SSTR2: variants seen among roughly 807,000 people sequenced by gnomAD.
SSTR2 encodes the protein somatostatin receptor type 2.
SSTR2 carries 10 observed loss-of-function variants against 21.4 expected under a neutral mutation model. That is an observed-to-expected ratio of 0.47 (90% CI 0.29 to 0.79). The LOEUF (loss-of-function observed/expected upper bound fraction) is 0.79, where lower values mean the gene tolerates loss of function less well. Ranked by LOEUF, SSTR2 falls within the 30% of genes least tolerant of loss-of-function variation. The pLI is 0.10. For missense variants in SSTR2, 364 were observed against 468.8 expected (o/e 0.78, Z 2.06); for synonymous variants, 177 against 181.3 (o/e 0.98, Z 0.19).
chr17:73,171,923 A>G lies in SSTR2; in HGVS notation c.*1494A>G, dbSNP rs1017499955. 2.4e-5 allele frequency: 1 copy of G among 42,384 alleles called. No homozygotes were observed. The highest frequency in any genetic ancestry group is 5.5e-4 in the East Asian group (1 of 1,830). 2.6% of individuals were successfully genotyped at this position (42,384 alleles called of 1,614,324 possible). A position where few individuals can be genotyped will look rare whatever the true frequency, so the allele number is the denominator to read the frequency against. On this transcript the variant is annotated 3_prime_UTR_variant, in exon 2 of 2. Coordinates refer to ENST00000357585, the MANE Select transcript of SSTR2 (RefSeq NM_001050.3). ...GCAACAAGAGCAAAACTCAGTCTCA[A>G]AAAAAAAAAAAAAAAAAAAAAAAAA...
intron 1 of SSTR2, among the ~76,000 whole-genome samples, chr17:73,167,712 A>T (rs1484513097): frequency 6.6e-6 from 1 of 152,170 alleles, no homozygotes; most frequent in Non-Finnish European, 1.5e-5. Context: ...TCCTTCATTT[A>T]TCTCTCGTGC....
At position 73,169,502 on chromosome 17, in the gene SSTR2, C is replaced by T; in HGVS notation, c.183C>T (p.Asn61=). Residue 61 remains asparagine (N), a synonymous_variant, in exon 2 of 2, where the codon AAC becomes AAT. Transcript: ENST00000357585. The surrounding 1 kb of genome is among the most constrained non-coding windows in gnomAD (Gnocchi z 5.2). The part of the protein sequence containing the change: ...FVVCIIGLCG[N]TLVIYVILRY... ...TCTGCATCATTGGGTTGTGTGGCAA[C>T]ACACTTGTCATTTATGTCATCCTCC... 1 of 1,614,266 alleles carries T rather than the reference C, an allele frequency of 6.2e-7. No homozygotes were observed. The highest frequency in any genetic ancestry group is 1.1e-5 in the South Asian group (1 of 91,086).
rs1313706209 is a variant in SSTR2, at chr17:73,174,885, A to C, written c.*4456A>C. 2.6e-5 allele frequency: 4 copies of C among 153,144 alleles called. No individual in the cohort carries two copies. The Admixed American group carries it at 2.6e-4, about 10-fold the overall frequency. 9.5% of individuals were successfully genotyped at this position (153,144 alleles called of 1,614,324 possible). ...CTTTAATTTTGTAATTCTTTACTGT[A>C]GAACAGCTCAAAATATCAGTTCTGT... On this transcript the variant is annotated 3_prime_UTR_variant, in exon 2 of 2. Transcript: ENST00000357585.
At chr17:73,166,780 C>G (rs563598444) in intron 1 of SSTR2, among the ~76,000 whole-genome samples, 2 of 152,274 alleles carry the variant, frequency 1.3e-5, no homozygotes, top group African/African-American at 4.8e-5. Context: ...TCTCAGCCGG[C>G]TCCCCAGCCT....
At position 73,169,025 on chromosome 17, in the gene SSTR2, C is replaced by T. The variant is rs1386326305; in HGVS notation, c.-92-203C>T. Among the ~76,000 whole-genome samples, 2 of 152,186 alleles carry T rather than the reference C, an allele frequency of 1.3e-5. No homozygotes were observed. Among genetic ancestry groups the T allele is most frequent in the Non-Finnish European group, 2.9e-5 (2 of 68,044 alleles). ...TGTGCGTCAGCAGATGATGGCTGAA[C>T]CCAAACCCTTCCCTACTATTGGAAA... On this transcript the variant is annotated intron_variant, in intron 1 of 1. Coordinates refer to ENST00000357585, the MANE Select transcript of SSTR2 (RefSeq NM_001050.3). This position sits in a 1 kb window ranked among gnomAD's most constrained non-coding sequence, Gnocchi z 5.2.
Position 73,171,319 on chromosome 17 carries a change from G to A in SSTR2, c.*890G>A, listed in dbSNP as rs977295230. ...TATTTATCAAGACAAAGCCAACTTT[G>A]TTATAAGATTGCATTTTTTTCTTTT... On this transcript the variant is annotated 3_prime_UTR_variant, in exon 2 of 2. Transcript: ENST00000357585. 1.2e-5 allele frequency: 2 copies of A among 166,368 alleles called. No homozygotes were observed. Among genetic ancestry groups the A allele is most frequent in the Non-Finnish European group, 2.9e-5 (2 of 68,108 alleles). 10.3% of individuals were successfully genotyped at this position (166,368 alleles called of 1,614,324 possible).
rs1162660182 is a variant in SSTR2 at position 73,174,130 on chromosome 17, A to C, written c.*3701A>C. The C allele has an allele frequency of 6.8e-6, 1 of 147,692 alleles. No homozygotes were observed. The highest frequency in any genetic ancestry group is 2.0e-4 in the East Asian group (1 of 5,094). The allele number at this position is 147,692 out of a possible 1,614,324, so 9.1% of individuals were successfully genotyped here. A position where few individuals can be genotyped will look rare whatever the true frequency, so the allele number is the denominator to read the frequency against. On this transcript the variant is annotated 3_prime_UTR_variant, in exon 2 of 2. Transcript: ENST00000357585. ...GGTGACAGCACAAGACTCCATCTCA[A>C]AAAAAAAAAAAAAAGGAAGAAGAAA... is the stretch of plus-strand genomic sequence containing the variant.
chr17:73,170,386 C>T lies in SSTR2; in HGVS notation c.1067C>T (p.Thr356Ile). The change falls in exon 2 of 2, where the codon ACC (threonine) becomes ATC (isoleucine). Residue 356 changes from threonine to isoleucine, a missense_variant. Thr to Ile is a moderately conservative substitution (Grantham distance 89). Coordinates refer to ENST00000357585, the MANE Select transcript of SSTR2 (RefSeq NM_001050.3). ...DKSRLNETTE[T>I]QRTLLNGDLQ... is the part of the protein sequence containing the mutation. ...TCCCGGCTGAATGAGACCACGGAGACCCAGAGGACCCTCCTCAATGGAGAC... is the reference window on the plus strand; with the variant it reads ...TCCCGGCTGAATGAGACCACGGAGATCCAGAGGACCCTCCTCAATGGAGAC... The T allele has an allele frequency of 6.2e-7, 1 of 1,613,924 alleles. No individual in the cohort carries two copies.
rs977623695 is a variant in SSTR2, at chr17:73,169,824, G to C, written c.505G>C (p.Val169Leu). The C allele has an allele frequency of 3.1e-6, 5 of 1,614,078 alleles. No individual in the cohort carries two copies. The highest frequency in any genetic ancestry group is 4.2e-6 in the Non-Finnish European group (5 of 1,180,046). The change falls in exon 2 of 2, where the codon GTC becomes CTC. Residue 169 changes from valine to leucine, a missense_variant. Around this residue, in one of 4 missense-constraint regions of SSTR2, gnomAD observed 193 missense variants for 273.1 expected, o/e 0.71. Transcript: ENST00000357585. This position sits in a 1 kb window ranked among gnomAD's most constrained non-coding sequence, Gnocchi z 5.2. Reference sequence around the variant, plus strand: ...GATGATCACCATGGCTGTGTGGGGAGTCTCTCTGCTGGTCATCTTGCCCAT... The same window carrying C: ...GATGATCACCATGGCTGTGTGGGGACTCTCTCTGCTGGTCATCTTGCCCAT... ...AKMITMAVWG[V>L]SLLVILPIMI...
chr17:73,166,803 A>G (rs1189856612), intron 1 of SSTR2, among the ~76,000 whole-genome samples: 1 of 151,888 alleles, frequency 6.6e-6, no homozygotes, highest in East Asian at 1.9e-4. Context: ...CACCTCCACC[A>G]CCTTCACCAA....
chr17:73,166,559 C>T (rs1353926659), intron 1 of SSTR2, among the ~76,000 whole-genome samples: 2 of 152,116 alleles, frequency 1.3e-5, no homozygotes, highest in African/African-American at 4.8e-5. Context: ...AATTCTTGGG[C>T]TGGAAAAACA....
Position 73,170,437 on chromosome 17 carries a change from G to C in SSTR2, c.*8G>C. The C allele has an allele frequency of 1.9e-6, 3 of 1,608,090 alleles. No homozygotes were observed. Among genetic ancestry groups the C allele is most frequent in the Non-Finnish European group, 2.6e-6 (3 of 1,176,460 alleles). On this transcript the variant is annotated 3_prime_UTR_variant, in exon 2 of 2. Transcript: ENST00000357585. ...CTCCAAACCAGTATCTGAACTGCTTGGGGGGTGGGAAAGAACCAAGCCATG... is the reference window on the plus strand; with the variant it reads ...CTCCAAACCAGTATCTGAACTGCTTCGGGGGTGGGAAAGAACCAAGCCATG...
chr17:73,168,651 C>T (rs1191797717), intron 1 of SSTR2, among the ~76,000 whole-genome samples: 2 of 152,170 alleles, frequency 1.3e-5, no homozygotes, highest in African/African-American at 4.8e-5. Flanking sequence ...TAGGCATTTT[C>T]ACATATATTC....
Position 73,170,621 on chromosome 17 carries a change from T to C in SSTR2, c.*192T>C. On this transcript the variant is annotated 3_prime_UTR_variant, in exon 2 of 2. Coordinates refer to ENST00000357585, the MANE Select transcript of SSTR2 (RefSeq NM_001050.3). ...TTGAATGATAATGTGCTAAATTGATTACCTCCCCCTTAAAGCGAACACTGA... is the reference window on the plus strand; with the variant it reads ...TTGAATGATAATGTGCTAAATTGATCACCTCCCCCTTAAAGCGAACACTGA... The C allele has an allele frequency of 1.3e-6, 1 of 766,030 alleles. No homozygotes were observed. The highest frequency in any genetic ancestry group is 2.3e-6 in the Non-Finnish European group (1 of 433,408). The allele number at this position is 766,030 out of a possible 1,614,324, so 47.5% of individuals were successfully genotyped here.
chr17:73,169,790 G>T lies in SSTR2; in HGVS notation c.471G>T (p.Arg157=), dbSNP rs1381929921. 1 of 1,614,210 alleles carries T rather than the reference G, an allele frequency of 6.2e-7. No homozygotes were observed. Among genetic ancestry groups the T allele is most frequent in the Middle Eastern group, 1.6e-4 (1 of 6,062 alleles). ...PIKSAKWRRP[R]TAKMITMAVW... is the part of the protein sequence containing the mutation. ...AGTCGGCCAAGTGGAGGAGACCCCG[G>T]ACGGCCAAGATGATCACCATGGCTG... is the stretch of plus-strand genomic sequence containing the variant. The change falls in exon 2 of 2, where the codon CGG becomes CGT. Residue 157 remains arginine (R), a synonymous_variant. Transcript: ENST00000357585. The surrounding 1 kb of genome is among the most constrained non-coding windows in gnomAD (Gnocchi z 5.2).
rs752616749 is a variant in SSTR2, at chr17:73,169,745, G to A, written c.426G>A (p.Leu142=). ...CAGTCATGAGCATCGACCGATACCT[G>A]GCTGTGGTCCACCCCATCAAGTCGG... ...CLTVMSIDRY[L]AVVHPIKSAK... Residue 142 remains leucine, a synonymous_variant, in exon 2 of 2, where the codon CTG becomes CTA. Coordinates refer to ENST00000357585, the MANE Select transcript of SSTR2 (RefSeq NM_001050.3). This position sits in a 1 kb window ranked among gnomAD's most constrained non-coding sequence, Gnocchi z 5.2. 3.1e-6 allele frequency: 5 copies of A among 1,614,200 alleles called. No homozygotes were observed. The South Asian group carries it at 4.4e-5, about 14-fold the overall frequency.
chr17:73,172,436 T>C lies in SSTR2; in HGVS notation c.*2007T>C, dbSNP rs2061238452. 6.6e-6 allele frequency: 1 copy of C among 152,230 alleles called. No homozygotes were observed. The highest frequency in any genetic ancestry group is 2.4e-5 in the African/African-American group (1 of 41,454). The allele number at this position is 152,230 out of a possible 1,614,324, so 9.4% of individuals were successfully genotyped here. On this transcript the variant is annotated 3_prime_UTR_variant, in exon 2 of 2. Transcript: ENST00000357585. ...ATCCGGCTCCCTAAGCAAGCGCTGT[T>C]GGCCGGTGGGAGTGACTAAGTGCTC...
chr17:73,169,490 G>C lies in SSTR2; in HGVS notation c.171G>C (p.Gly57=), dbSNP rs777049966. Residue 57 remains glycine, a synonymous_variant, in exon 2 of 2, where the codon GGG becomes GGC. Coordinates refer to ENST00000357585, the MANE Select transcript of SSTR2 (RefSeq NM_001050.3). The surrounding 1 kb of genome is among the most constrained non-coding windows in gnomAD (Gnocchi z 5.2). Reference sequence around the variant, plus strand: ...TCTATTTTGTGGTCTGCATCATTGGGTTGTGTGGCAACACACTTGTCATTT... The same window carrying C: ...TCTATTTTGTGGTCTGCATCATTGGCTTGTGTGGCAACACACTTGTCATTT... The part of the protein sequence containing the change: ...TFIYFVVCII[G]LCGNTLVIYV... 6.2e-7 allele frequency: 1 copy of C among 1,614,220 alleles called. No individual in the cohort carries two copies. Among genetic ancestry groups the C allele is most frequent in the East Asian group, 2.2e-5 (1 of 44,890 alleles).
intron 1 of SSTR2, among the ~76,000 whole-genome samples, chr17:73,166,640 C>T (rs1246209497): frequency 6.6e-6 from 1 of 152,178 alleles, no homozygotes; most frequent in East Asian, 1.9e-4. Flanking sequence ...GTCTGCCTGG[C>T]ATTGGAATAT....
Sources: gnomAD v4.1 joint callset for allele counts (sites outside exome capture counted in the v4.1 genomes callset) on GRCh38, gnomAD v4.1.1 for gene constraint, gnomAD v4.1.1 regional missense constraint, Gnocchi (gnomAD v3.1) non-coding constraint, MANE v1.5 for transcripts, NCBI Gene and HGNC (gene_info 2026-07-23, HGNC 2026-07-21) for gene names.